The following SBNO1 variants were observed in gnomAD, a reference collection of about 807,000 sequenced individuals.
The protein encoded by SBNO1 is protein strawberry notch homolog 1.
A neutral mutation model predicts 173.6 loss-of-function variants in SBNO1; 23 were observed. That is an observed-to-expected ratio of 0.13 (90% CI 0.10 to 0.19). The LOEUF is 0.19. Among genes scored for constraint, SBNO1 ranks in the 10% least tolerant of loss-of-function variants. The pLI, the probability that SBNO1 is intolerant of heterozygous loss-of-function variation, is 1.00. For missense variants in SBNO1, 1,238 were observed against 1,671.2 expected (o/e 0.74, Z 4.52); for synonymous variants, 632 against 571.5 (o/e 1.11, Z -1.51).
chr12:123,340,474 G>C (rs1872401889), intron 5 of SBNO1, among the ~76,000 whole-genome samples: 1 of 151,502 alleles, frequency 6.6e-6, no homozygotes, highest in Admixed American at 6.6e-5. Flanking sequence ...CCAGCTACTT[G>C]AGAGGCTGAG....
Position 123,309,330 on chromosome 12 carries a change from C to T in SBNO1, c.3610G>A (p.Gly1204Ser). 1 of 1,613,962 alleles carries T rather than the reference C, an allele frequency of 6.2e-7. No individual in the cohort carries two copies. Among genetic ancestry groups the T allele is most frequent in the Non-Finnish European group, 8.5e-7 (1 of 1,179,868 alleles). ...IWAELTGPDDGFYLSLQIRNN... is the reference protein window; with the variant it reads ...IWAELTGPDDSFYLSLQIRNN... The stretch of plus-strand genomic sequence containing the variant: ...CGTACTTGCAATGACAAGTAAAAGC[C>T]ATCGTCTGGTCCTGTCAGCTCAGCC... The change falls in exon 28 of 32, where the codon GGC becomes AGC. Residue 1204 changes from glycine (G) to serine (S), a missense_variant. By Grantham distance (56) the Gly-to-Ser change is moderately conservative. Transcript: ENST00000602398.
intron 5 of SBNO1, among the ~76,000 whole-genome samples, chr12:123,339,857 C>A (rs975043688): frequency 6.6e-5 from 10 of 152,154 alleles, no homozygotes; most frequent in African/African-American, 2.4e-4. Flanking sequence ...ATTCCCACTT[C>A]TTTCTACAAG....
chr12:123,331,495 GACTTT>G, intron 7 of SBNO1, 120 bp from the exon 8 acceptor site: 2 of 895,240 alleles, frequency 2.2e-6, no homozygotes, highest in Non-Finnish European at 3.3e-6. Context: ...TGTATTTTGT[GACTTT>G]ATTTTTACAT....
chr12:123,355,043 CAG>C (rs1874286467), intron 1 of SBNO1, among the ~76,000 whole-genome samples: 3 of 151,608 alleles, frequency 2.0e-5, no homozygotes, highest in African/African-American at 7.3e-5. Flanking sequence ...TTTTTTGAGG[CAG>C]AGTCTTGCTC....
intron 7 of SBNO1, 83 bp downstream of exon 7, chr12:123,333,970 G>A (rs1593380771): frequency 1.1e-6 from 1 of 888,312 alleles, no homozygotes; most frequent in East Asian, 3.2e-5. Flanking sequence ...TTCATACAAG[G>A]AAAAGTTACC....
In SBNO1 at chr12:123,295,851, C is replaced by T; in HGVS notation, c.*57G>A. On this transcript the variant is annotated 3_prime_UTR_variant, in exon 32 of 32. Transcript: ENST00000602398. ...TTGGAAACTGTCCCTGATTTTTATG[C>T]AAATGATATGCTTCAACAGCATTTC... 1 of 1,573,672 alleles carries T rather than the reference C, an allele frequency of 6.4e-7. No homozygotes were observed.
intron 28 of SBNO1, 39 bp from the exon 29 acceptor site, chr12:123,304,758 T>C: frequency 7.8e-7 from 1 of 1,286,862 alleles, no homozygotes; most frequent in Non-Finnish European, 1.1e-6. Context: ...GATTTTATAA[T>C]ACACACTTTA....
chr12:123,320,069 T>G, intron 19 of SBNO1, 38 bp from the exon 20 acceptor site: 1 of 1,611,872 alleles, frequency 6.2e-7, no homozygotes, highest in Non-Finnish European at 8.5e-7. Flanking sequence ...TGAAGGTATC[T>G]GACTGCGGTG....
intron 5 of SBNO1, among the ~76,000 whole-genome samples, chr12:123,338,531 AG>A (rs1167646930): frequency 3.3e-5 from 5 of 151,768 alleles, no homozygotes; most frequent in Non-Finnish European, 7.4e-5. Flanking sequence ...AAAATACAAA[AG>A]AAAATTAGCA....
intron 21 of SBNO1, among the ~76,000 whole-genome samples, chr12:123,316,155 C>T (rs1257858790): frequency 2.0e-5 from 3 of 147,192 alleles, no homozygotes; most frequent in African/African-American, 2.7e-5. Context: ...GCATCATATA[C>T]TATAAAGTAT....
rs149856736 is a variant in SBNO1 at position 123,356,723 on chromosome 12, C to T, written c.1-6282G>A. The stretch of plus-strand genomic sequence containing the variant: ...CCTCCCACAGTGTTGGGATTACAGG[C>T]GTGAGCCACCGTGCCCTGCACATAT... On this transcript the variant is annotated intron_variant, in intron 1 of 31. Transcript: ENST00000602398. Among the ~76,000 whole-genome samples, 1,294 of 152,344 alleles carry T rather than the reference C, an allele frequency of 8.5e-3. 20 individuals carry two copies. Among genetic ancestry groups the T allele is most frequent in the African/African-American group, 0.029 (1,206 of 41,586 alleles).
intron 2 of SBNO1, 49 bp from the exon 3 acceptor site, chr12:123,348,182 T>C: frequency 9.4e-7 from 1 of 1,062,848 alleles, no homozygotes; most frequent in Non-Finnish European, 1.4e-6. Flanking sequence ...AGCAGTAAAT[T>C]CTGTTTCAAG....
In SBNO1 at chr12:123,312,999, T is replaced by TC. The variant is rs1868779465; in HGVS notation, c.3220+620dup. On this transcript the variant is annotated intron_variant, in intron 24 of 31. Transcript: ENST00000602398. ...GCGGGCAGATCATGAAGTCAGGAGA[T>TC]CGAGACCATCCTGGCCAACATGGTG... 1.3e-5 allele frequency among the ~76,000 whole-genome samples: 2 copies of TC among 151,940 alleles called. 1 individual carries two copies. Among genetic ancestry groups the TC allele is most frequent in the African/African-American group, 4.8e-5 (2 of 41,364 alleles).
intron 13 of SBNO1, 124 bp from the exon 14 acceptor site, chr12:123,326,458 A>G (rs1040429857): frequency 1.9e-6 from 1 of 529,358 alleles, no homozygotes; most frequent in Non-Finnish European, 3.0e-6. Flanking sequence ...AATCATCTTT[A>G]GTAACTTGGG....
intron 21 of SBNO1, among the ~76,000 whole-genome samples, chr12:123,316,605 G>T (rs1869303711): frequency 6.6e-6 from 1 of 151,094 alleles, no homozygotes; most frequent in Non-Finnish European, 1.5e-5. Context: ...CTGCAACCTT[G>T]AACTCCTGGA....
rs2048507289 is a variant in SBNO1 at position 123,291,275 on chromosome 12, T to C, written c.*4633A>G. On this transcript the variant is annotated 3_prime_UTR_variant, in exon 32 of 32. Coordinates refer to ENST00000602398, the MANE Select transcript of SBNO1 (RefSeq NM_001167856.3). Reference sequence around the variant, plus strand: ...CTGTTTCAAATCTGCAAGATTTTCCTATCAGGTGGGAAGACAGAGATAAGA... The same window carrying C: ...CTGTTTCAAATCTGCAAGATTTTCCCATCAGGTGGGAAGACAGAGATAAGA... 6.6e-6 allele frequency: 1 copy of C among 152,206 alleles called. No individual in the cohort carries two copies. Among genetic ancestry groups the C allele is most frequent in the Non-Finnish European group, 1.5e-5 (1 of 68,038 alleles). 9.4% of individuals were successfully genotyped at this position (152,206 alleles called of 1,614,324 possible).
intron 15 of SBNO1, among the ~76,000 whole-genome samples, chr12:123,324,812 A>AT (rs1041196980): frequency 1.6e-4 from 24 of 150,386 alleles, no homozygotes; most frequent in African/African-American, 3.4e-4. Flanking sequence ...ATTTTATTTT[A>AT]TTTTTTTTTG....
At chr12:123,331,784 T>G (rs1037003771) in intron 7 of SBNO1, among the ~76,000 whole-genome samples, 3 of 152,176 alleles carry the variant, frequency 2.0e-5, no homozygotes, top group Non-Finnish European at 4.4e-5. Context: ...CCTCCCAAAG[T>G]GCTGGGATTA....
intron 21 of SBNO1, among the ~76,000 whole-genome samples, chr12:123,316,511 G>T (rs898846872): frequency 2.7e-5 from 4 of 150,380 alleles, no homozygotes; most frequent in African/African-American, 9.8e-5. Context: ...GGCGTGAGCC[G>T]CTGCGCCCAG....
Sources: gnomAD v4.1 joint callset for allele counts (sites outside exome capture counted in the v4.1 genomes callset) on GRCh38, gnomAD v4.1.1 for gene constraint, MANE v1.5 for transcripts, NCBI Gene and HGNC (gene_info 2026-07-23, HGNC 2026-07-21) for gene names.